The following ESR1 variants were observed in gnomAD, a reference collection of about 807,000 sequenced individuals.
ESR1 encodes the protein estrogen receptor 1.
ESR1 carries 12 observed loss-of-function variants against 52.7 expected under a neutral mutation model. That is an observed-to-expected ratio of 0.23 (90% CI 0.15 to 0.37). The LOEUF (loss-of-function observed/expected upper bound fraction) is 0.37. ESR1 is among the 10% of genes least tolerant of loss of function. ESR1 has a pLI of 1.00. For missense variants in ESR1, 584 were observed against 779.7 expected (o/e 0.75, Z 2.99); for synonymous variants, 305 against 316.8 (o/e 0.96, Z 0.39).
At chr6:151,800,330 A>G (rs867259825), upstream of ESR1, among the ~76,000 whole-genome samples, 4 of 152,082 alleles carry the variant, frequency 2.6e-5, no homozygotes, top group South Asian at 2.1e-4. Flanking sequence ...GGCCATTGTA[A>G]TAGGACTAAA....
At chr6:152,093,924 G>A (rs990987031) in intron 6 of ESR1, among the ~76,000 whole-genome samples, 7 of 152,126 alleles carry the variant, frequency 4.6e-5, no homozygotes, top group Non-Finnish European at 5.9e-5. Context: ...AGCAGATTGG[G>A]TTTCATCTAA....
chr6:151,659,430 T>C (rs535891418), intron 1 of ESR1, among the ~76,000 whole-genome samples: 2 of 152,324 alleles, frequency 1.3e-5, no homozygotes, highest in Admixed American at 1.3e-4. Context: ...CCTGCAAAGT[T>C]CCATTCATAA....
At chr6:152,067,243 A>G (rs1480540990) in intron 6 of ESR1, among the ~76,000 whole-genome samples, 1 of 152,170 alleles carries the variant, frequency 6.6e-6, no homozygotes, top group East Asian at 1.9e-4. Context: ...GGAGCTTCTG[A>G]GAACTGGGGA....
intron 4 of ESR1, among the ~76,000 whole-genome samples, chr6:151,972,166 A>G (rs1299586390): frequency 2.0e-5 from 3 of 152,170 alleles, no homozygotes; most frequent in Non-Finnish European, 1.5e-5. Context: ...AATAAAAAAA[A>G]TTGCCAACAA....
intron 1 of ESR1, among the ~76,000 whole-genome samples, chr6:151,700,031 A>T (rs1002618758): frequency 2.0e-5 from 3 of 151,964 alleles, no homozygotes; most frequent in African/African-American, 7.3e-5. Context: ...ATAACAGCCA[A>T]TTCCTTACTT....
intron 5 of ESR1, among the ~76,000 whole-genome samples, chr6:152,021,838 T>C (rs529802483): frequency 6.6e-6 from 1 of 152,282 alleles, no homozygotes; most frequent in African/African-American, 2.4e-5. Context: ...CTGATGGTTT[T>C]ATAAGGGGTT....
chr6:151,770,013 G>A (rs1785381355), intron 2 of ESR1, among the ~76,000 whole-genome samples: 1 of 149,508 alleles, frequency 6.7e-6, no homozygotes, highest in Non-Finnish European at 1.5e-5. Flanking sequence ...GGGCGACAGA[G>A]TGAGACTCCA....
At chr6:151,663,767 T>A (rs767542511) in intron 1 of ESR1, among the ~76,000 whole-genome samples, 1 of 152,176 alleles carries the variant, frequency 6.6e-6, no homozygotes, top group Non-Finnish European at 1.5e-5. Flanking sequence ...GAAACACACA[T>A]TGCAAGTTTT....
chr6:151,982,247 C>T (rs1421051141), intron 4 of ESR1, among the ~76,000 whole-genome samples: 2 of 152,152 alleles, frequency 1.3e-5, no homozygotes, highest in African/African-American at 2.4e-5. Flanking sequence ...CCACCTGGCT[C>T]GAAGCTCACT....
intron 5 of ESR1, among the ~76,000 whole-genome samples, chr6:152,020,660 AG>A (rs533248316): frequency 6.6e-6 from 1 of 152,074 alleles, no homozygotes; most frequent in Non-Finnish European, 1.5e-5. Flanking sequence ...CACGTTGGCC[AG>A]GCTGGTCTGG....
At chr6:151,667,236 AG>A (rs201218763) in intron 1 of ESR1, among the ~76,000 whole-genome samples, 3,105 of 152,330 alleles carry the variant, frequency 0.02, 24 homozygotes, top group South Asian at 0.042. Context: ...TTTACATATC[AG>A]AACACTTGTC....
intron 5 of ESR1, among the ~76,000 whole-genome samples, chr6:152,015,674 C>T (rs1261617757): frequency 6.6e-6 from 1 of 152,206 alleles, no homozygotes; most frequent in African/African-American, 2.4e-5. Context: ...CCATCCAACT[C>T]ACTTCCTGTG....
intron 2 of ESR1, among the ~76,000 whole-genome samples, chr6:151,747,459 C>T (rs1176007311): frequency 6.6e-6 from 1 of 152,144 alleles, no homozygotes; most frequent in Non-Finnish European, 1.5e-5. Context: ...GTTTTGTTGT[C>T]AACACAATCT....
At chr6:151,726,912 G>T (rs1781890132) in intron 2 of ESR1, among the ~76,000 whole-genome samples, 1 of 152,060 alleles carries the variant, frequency 6.6e-6, no homozygotes, top group African/African-American at 2.4e-5. Flanking sequence ...AAAAAGTGAT[G>T]GTGGGCATTC....
intron 2 of ESR1, among the ~76,000 whole-genome samples, chr6:151,707,197 T>A (rs1042348787): frequency 2.6e-5 from 4 of 152,306 alleles, no homozygotes; most frequent in Non-Finnish European, 4.4e-5. Flanking sequence ...TTGCATATGG[T>A]TGAATGCATA....
At position 152,098,628 on chromosome 6, in the gene ESR1, T is replaced by C. The variant is rs1449336123; in HGVS notation, c.1554-104T>C. The C allele has an allele frequency of 4.4e-6, 4 of 915,252 alleles. No homozygotes were observed. Among genetic ancestry groups the C allele is most frequent in the Non-Finnish European group, 7.0e-6 (4 of 571,892 alleles). 56.7% of individuals were successfully genotyped at this position (915,252 alleles called of 1,614,324 possible). On this transcript the variant is annotated intron_variant, in intron 7 of 7. Transcript: ENST00000206249. The surrounding 1 kb of genome is among the most constrained non-coding windows in gnomAD (Gnocchi z 5.1). ...TTAAACAGGAAGAAAGAAAGATTGC[T>C]AAGTGTCTTTGGAGTTCCTCTTCCT...
At chr6:152,028,917 T>C (rs2982707) in intron 5 of ESR1, among the ~76,000 whole-genome samples, 67,674 of 151,962 alleles carry the variant, frequency 0.45, 17,210 homozygotes, top group African/African-American at 0.69. Context: ...ACACCTCACA[T>C]GGCCGGGTAC....
chr6:151,978,548 A>G (rs2039683741), intron 4 of ESR1, among the ~76,000 whole-genome samples: 1 of 152,078 alleles, frequency 6.6e-6, no homozygotes, highest in Non-Finnish European at 1.5e-5. Context: ...AGTAAAAAGA[A>G]TTTCACACCA....
chr6:152,013,612 GT>G lies in ESR1; in HGVS notation c.1235+1823del, dbSNP rs1046687332. ...ATAATTGCATTTTGAATATGTGAAG[GT>G]TTTTGACATTACTGCACCCAAAAAA... On this transcript the variant is annotated intron_variant, in intron 5 of 7. Transcript: ENST00000206249. 1.2e-3 allele frequency among the ~76,000 whole-genome samples: 178 copies of G among 152,162 alleles called. 2 individuals are homozygous for G. The highest frequency in any genetic ancestry group is 2.1e-4 in the Non-Finnish European group (14 of 68,000).
Sources: gnomAD v4.1 joint callset for allele counts (sites outside exome capture counted in the v4.1 genomes callset) on GRCh38, gnomAD v4.1.1 for gene constraint, Gnocchi (gnomAD v3.1) non-coding constraint, MANE v1.5 for transcripts, NCBI Gene and HGNC (gene_info 2026-07-23, HGNC 2026-07-21) for gene names.